NPHP4: variants seen among roughly 807,000 people sequenced by gnomAD.
The protein encoded by NPHP4 is nephrocystin-4.
A neutral mutation model predicts 155.8 loss-of-function variants in NPHP4; 151 were observed. The ratio of observed to expected loss-of-function variants is 0.97; its 90% CI spans 0.85 to 1.11. The LOEUF (loss-of-function observed/expected upper bound fraction) is 1.11. Ranked by LOEUF, NPHP4 falls within the 50% of genes least tolerant of loss-of-function variation. NPHP4 has a pLI of 0.00. For synonymous variants in NPHP4, 845 were observed against 816.8 expected (o/e 1.03, Z -0.59); for missense variants, 1,956 against 1,925.7 (o/e 1.02, Z -0.29).
intron 18 of NPHP4, chr1:5,881,539 C>T (rs1339291737): frequency 6.6e-6 from 1 of 152,182 alleles, no homozygotes; most frequent in Non-Finnish European, 1.5e-5. Flanking sequence ...ATTGGCGGGA[C>T]AGCAGACCAG....
At chr1:5,987,781 A>G (rs1302791944) in intron 1 of NPHP4, among the ~76,000 whole-genome samples, 1 of 152,114 alleles carries the variant, frequency 6.6e-6, no homozygotes, top group African/African-American at 2.4e-5. Context: ...ATTATTCAAC[A>G]CCATTTTCAC....
At chr1:5,923,818 AAG>A (rs1275198073) in intron 11 of NPHP4, among the ~76,000 whole-genome samples, 1 of 152,272 alleles carries the variant, frequency 6.6e-6, no homozygotes, top group Non-Finnish European at 1.5e-5. Context: ...AGTATCCAGT[AAG>A]AGAAAATTCT....
In NPHP4 at chr1:5,903,475, C is replaced by G. The variant is rs80354109; in HGVS notation, c.2143+1142G>C. Among the ~76,000 whole-genome samples the G allele has an allele frequency of 2.8e-3, 433 of 152,152 alleles. 10 individuals are homozygous for G. The East Asian group carries it at 0.062, about 22-fold the overall frequency. ...CTCGAGAGGCGGCAGTGTTTCAGAC[C>G]CCAGCTGGGTCCCTTATGAGCTGAG... On this transcript the variant is annotated intron_variant, in intron 16 of 29. Transcript: ENST00000378156.
intron 7 of NPHP4, among the ~76,000 whole-genome samples, chr1:5,950,782 T>G (rs982801029): frequency 6.6e-6 from 1 of 151,982 alleles, no homozygotes; most frequent in Non-Finnish European, 1.5e-5. Flanking sequence ...TCCAAAAAAG[T>G]CCCTTTTACT....
At chr1:5,973,015 G>T (rs1467176342) in intron 3 of NPHP4, among the ~76,000 whole-genome samples, 1 of 152,140 alleles carries the variant, frequency 6.6e-6, no homozygotes, top group East Asian at 1.9e-4. Flanking sequence ...CTCCCAAGTA[G>T]CTGGGATTAC....
At chr1:5,873,793 C>A in intron 22 of NPHP4, 1 of 281,870 alleles carries the variant, frequency 3.5e-6, no homozygotes, top group Non-Finnish European at 6.8e-6. Context: ...CACACCACCC[C>A]CTGCACACAA....
Position 5,874,890 on chromosome 1 carries a change from C to G in NPHP4, c.3028G>C (p.Asp1010His). Residue 1010 changes from aspartate (D) to histidine (H), a missense_variant, in exon 21 of 30, where the codon GAC becomes CAC. Physicochemically the swap from Asp to His is moderately conservative, Grantham distance 81. Coordinates refer to ENST00000378156, the MANE Select transcript of NPHP4 (RefSeq NM_015102.5). The part of the protein sequence containing the change: ...NTQHTVTVEI[D>H]NPELSVIVDS... ...AGACCTCACCTGAGCTCGGGGTTGT[C>G]GATCTCCACAGTCACCGTGTGCTGT... is the stretch of plus-strand genomic sequence containing the variant. 6.2e-7 allele frequency: 1 copy of G among 1,613,550 alleles called. No homozygotes were observed.
rs189113075 is a variant in NPHP4, at chr1:5,870,811, A to C, written c.3315+2441T>G. Among the ~76,000 whole-genome samples the C allele has an allele frequency of 7.5e-4, 115 of 152,364 alleles. 1 individual carries two copies. The South Asian group carries it at 8.7e-3, about 12-fold the overall frequency. On this transcript the variant is annotated intron_variant, in intron 23 of 29. Transcript: ENST00000378156. The stretch of plus-strand genomic sequence containing the variant: ...GTCTAACTGAAACGAACACCAGACC[A>C]GCCCCACTGGGCACGCCCTGCAGGA...
Position 5,895,331 on chromosome 1 carries a change from A to AT in NPHP4, c.2144-4304dup, listed in dbSNP as rs780190143. 8.8e-3 allele frequency among the ~76,000 whole-genome samples: 400 copies of AT among 45,404 alleles called. 2 individuals carry two copies. The highest frequency in any genetic ancestry group is 0.012 in the Non-Finnish European group (286 of 24,824). The allele number at this position is 45,404 out of a possible 152,430, so 29.8% of individuals were successfully genotyped here. On this transcript the variant is annotated intron_variant, in intron 16 of 29. Transcript: ENST00000378156. ...CGTGTACCCTAGAATTTAAAGTATA[A>AT]TTAAAAAAAAATACAAAAATTAGCT...
At chr1:5,937,929 C>T (rs1416065767) in intron 9 of NPHP4, among the ~76,000 whole-genome samples, 1 of 152,220 alleles carries the variant, frequency 6.6e-6, no homozygotes, top group Non-Finnish European at 1.5e-5. Flanking sequence ...GCTGGGAACA[C>T]GCGCAGTCAC....
intron 23 of NPHP4, among the ~76,000 whole-genome samples, chr1:5,872,959 G>C (rs868014954): frequency 6.6e-6 from 1 of 152,224 alleles, no homozygotes; most frequent in African/African-American, 2.4e-5. Flanking sequence ...GTGGCCGCAG[G>C]CTGTGGCAGC....
Position 5,890,466 on chromosome 1 carries a change from GACCTTAGGAATCAGGT to G in NPHP4, c.2304+386_2304+401del, listed in dbSNP as rs1644062682. Among the ~76,000 whole-genome samples, 1 of 152,154 alleles carries G rather than the reference GACCTTAGGAATCAGGT, an allele frequency of 6.6e-6. No homozygotes were observed. Among genetic ancestry groups the G allele is most frequent in the African/African-American group, 2.4e-5 (1 of 41,432 alleles). On this transcript the variant is annotated intron_variant, in intron 17 of 29. Coordinates refer to ENST00000378156, the MANE Select transcript of NPHP4 (RefSeq NM_015102.5). This position sits in a 1 kb window ranked among gnomAD's most constrained non-coding sequence, Gnocchi z 4.9. ...AATGAGAAAAGAACAACACGTCACT[GACCTTAGGAATCAGGT>G]CACACTGCACACCCCAGTCATTCGC... is the stretch of plus-strand genomic sequence containing the variant.
chr1:5,875,165 C>T, intron 20 of NPHP4, 65 bp from the exon 21 acceptor site: 2 of 1,233,496 alleles, frequency 1.6e-6, no homozygotes, highest in South Asian at 1.3e-5. Context: ...GGGGCTATTG[C>T]TGGCTGCCCA....
At position 5,866,437 on chromosome 1, in the gene NPHP4, T is replaced by C; in HGVS notation, c.3580A>G (p.Ile1194Val). ...GGACCACTGGCCACCTTCAGAAATA[T>C]GTCCCGTGGTTCCCCGGGGCCCTGC... ...QNVGPGEPRDIFLKVASGPSP... is the reference protein window; with the variant it reads ...QNVGPGEPRDVFLKVASGPSP... The change falls in exon 26 of 30, where the codon ATA becomes GTA. Residue 1194 changes from isoleucine (I) to valine (V), a missense_variant. Ile to Val is a conservative substitution (Grantham distance 29). Coordinates refer to ENST00000378156, the MANE Select transcript of NPHP4 (RefSeq NM_015102.5). The C allele has an allele frequency of 1.9e-6, 3 of 1,604,900 alleles. No homozygotes were observed. The highest frequency in any genetic ancestry group is 1.1e-5 in the South Asian group (1 of 89,236).
At chr1:5,957,312 A>G (rs1649433502) in intron 6 of NPHP4, among the ~76,000 whole-genome samples, 2 of 152,218 alleles carry the variant, frequency 1.3e-5, no homozygotes, top group Non-Finnish European at 2.9e-5. Context: ...TTCACAAGCA[A>G]GAACCCCCTT....
intron 11 of NPHP4, among the ~76,000 whole-genome samples, chr1:5,909,824 A>G (rs1645091630): frequency 6.6e-6 from 1 of 152,138 alleles, no homozygotes; most frequent in Non-Finnish European, 1.5e-5. Flanking sequence ...ATAAGGCCAC[A>G]GCTGCCTCCC....
intron 9 of NPHP4, among the ~76,000 whole-genome samples, chr1:5,940,703 C>G (rs1046960221): frequency 6.6e-6 from 1 of 152,006 alleles, no homozygotes; most frequent in African/African-American, 2.4e-5. Flanking sequence ...AACAGCAGCA[C>G]AAAAAATTAA....
intron 11 of NPHP4, among the ~76,000 whole-genome samples, chr1:5,914,861 G>A (rs1026456039): frequency 1.3e-5 from 2 of 152,114 alleles, no homozygotes; most frequent in African/African-American, 4.8e-5. Context: ...TCGTGAATGC[G>A]GTCCCCACAG....
At chr1:5,904,844 G>A in intron 15 of NPHP4, 40 bp from the exon 16 acceptor site, 1 of 1,595,230 alleles carries the variant, frequency 6.3e-7, no homozygotes, top group Non-Finnish European at 8.6e-7. Flanking sequence ...GAGTATCCAT[G>A]GCACAGAACC....
Sources: allele counts gnomAD v4.1 joint callset (sites outside exome capture counted in the v4.1 genomes callset), GRCh38; gene constraint gnomAD v4.1.1; non-coding constraint Gnocchi (gnomAD v3.1); transcripts MANE v1.5; gene names NCBI Gene and HGNC (gene_info 2026-07-23, HGNC 2026-07-21).